ZC3H7B: variants seen among roughly 807,000 people sequenced by gnomAD.
ZC3H7B encodes zinc finger CCCH domain-containing protein 7B.
ZC3H7B carries 35 observed loss-of-function variants against 116.0 expected under a neutral mutation model. The observed-to-expected ratio is 0.30, with a 90% CI of 0.23 to 0.40. The LOEUF is 0.40. Among genes scored for constraint, ZC3H7B ranks in the 10% least tolerant of loss-of-function variants. The pLI is 1.00. For synonymous variants in ZC3H7B, 502 were observed against 545.6 expected (o/e 0.92, Z 1.11); for missense variants, 1,011 against 1,321.5 (o/e 0.77, Z 3.64).
At position 41,356,461 on chromosome 22, in the gene ZC3H7B, C is replaced by T. The variant is rs1465462756; in HGVS notation, c.2502C>T (p.Asp834=). ...EGEKQIQMPT[D]YADIMMGYHC... The stretch of plus-strand genomic sequence containing the variant: ...AGAAGCAGATCCAGATGCCCACGGA[C>T]TACGCGGACATCATGGTAACGCCTC... The change falls in exon 21 of 23, where the codon GAC becomes GAT. Residue 834 remains aspartate, a synonymous_variant. Coordinates refer to ENST00000352645, the MANE Select transcript of ZC3H7B (RefSeq NM_017590.6). 1.1e-5 allele frequency: 18 copies of T among 1,614,124 alleles called. No individual in the cohort carries two copies. The highest frequency in any genetic ancestry group is 1.7e-5 in the Admixed American group (1 of 60,026).
rs753699180 is a variant in ZC3H7B at position 41,327,209 on chromosome 22, C to G, written c.289C>G (p.Leu97Val). 1 of 1,613,700 alleles carries G rather than the reference C, an allele frequency of 6.2e-7. No homozygotes were observed. Among genetic ancestry groups the G allele is most frequent in the African/African-American group, 1.3e-5 (1 of 74,944 alleles). ...ACCACATGCTCCTCTCTGGCAGGGC[C>G]TGTATGAGAAGGCGCTGGAGGACAG... ...NRAACYFTMG[L>V]YEKALEDSEK... Residue 97 changes from leucine to valine, a missense_variant, in exon 5 of 23, where the codon CTG becomes GTG. This residue lies in a region of ZC3H7B where 322 missense variants were observed against 443.9 expected (regional missense o/e 0.73). Coordinates refer to ENST00000352645, the MANE Select transcript of ZC3H7B (RefSeq NM_017590.6). The surrounding 1 kb of genome is among the most constrained non-coding windows in gnomAD (Gnocchi z 4.5).
chr22:41,316,434 T>C (rs922336102), intron 1 of ZC3H7B, among the ~76,000 whole-genome samples: 3 of 151,128 alleles, frequency 2.0e-5, no homozygotes, highest in Non-Finnish European at 4.4e-5. Context: ...AAGCTGGGAT[T>C]ACAGGCGCAT....
At position 41,339,915 on chromosome 22, in the gene ZC3H7B, G is replaced by T. The variant is rs1156933350; in HGVS notation, c.916G>T (p.Val306Leu). 3 of 1,613,766 alleles carry T rather than the reference G, an allele frequency of 1.9e-6. No individual in the cohort carries two copies. Among genetic ancestry groups the T allele is most frequent in the Non-Finnish European group, 2.5e-6 (3 of 1,180,016 alleles). ...CGGGACCCCACTGCTACCACCTGTGGTGGGTGGCTCCATCCCTGTCTCCAG... is the reference window on the plus strand; with the variant it reads ...CGGGACCCCACTGCTACCACCTGTGTTGGGTGGCTCCATCCCTGTCTCCAG... ...PGGTPLLPPV[V>L]GGSIPVSSPL... Residue 306 changes from valine (V) to leucine (L), a missense_variant, in exon 10 of 23, where the codon GTG (valine) becomes TTG (leucine). Val to Leu is a conservative substitution (Grantham distance 32, BLOSUM62 1). Transcript: ENST00000352645.
intron 6 of ZC3H7B, among the ~76,000 whole-genome samples, chr22:41,330,888 T>C (rs2036373103): frequency 7.3e-6 from 1 of 136,620 alleles, no homozygotes; most frequent in Non-Finnish European, 1.6e-5. Context: ...TGAGACGGAC[T>C]CTCGCTCTGT....
chr22:41,343,374 T>C, intron 12 of ZC3H7B, 41 bp from the exon 13 acceptor site: 1 of 1,580,500 alleles, frequency 6.3e-7, no homozygotes, highest in Non-Finnish European at 8.6e-7. Flanking sequence ...ACTCTTCAAT[T>C]CTGCTTCCGG....
At chr22:41,355,623 G>T in intron 18 of ZC3H7B, 21 bp downstream of exon 18, 1 of 1,613,812 alleles carries the variant, frequency 6.2e-7, no homozygotes. Context: ...TGCCAGGTGG[G>T]GGCTCAGGTG....
chr22:41,356,636 T>C lies in ZC3H7B; in HGVS notation c.2518-9T>C. 1 of 1,613,234 alleles carries C rather than the reference T, an allele frequency of 6.2e-7. No homozygotes were observed. The highest frequency in any genetic ancestry group is 8.5e-7 in the Non-Finnish European group (1 of 1,179,922). On this transcript the variant is annotated splice_polypyrimidine_tract_variant and intron_variant, in intron 21 of 22. Transcript: ENST00000352645. ...GGGGAGCAGGCACCCATGATGGCTG[T>C]GCTCCCAGATGGGCTACCACTGCTG... is the stretch of plus-strand genomic sequence containing the variant.
At chr22:41,322,471 C>T (rs1465841070) in intron 2 of ZC3H7B, among the ~76,000 whole-genome samples, 2 of 152,342 alleles carry the variant, frequency 1.3e-5, no homozygotes. Context: ...TAGGTGTGAG[C>T]CACCGCATCC....
At position 41,338,270 on chromosome 22, in the gene ZC3H7B, G is replaced by T. The variant is rs376871365; in HGVS notation, c.583-43G>T. 238 of 1,603,712 alleles carry T rather than the reference G, an allele frequency of 1.5e-4. No homozygotes were observed. In the African/African-American group the frequency reaches 2.8e-3, roughly 19 times the overall value. On this transcript the variant is annotated intron_variant, in intron 7 of 22. Coordinates refer to ENST00000352645, the MANE Select transcript of ZC3H7B (RefSeq NM_017590.6). This position sits in a 1 kb window ranked among gnomAD's most constrained non-coding sequence, Gnocchi z 4.5. ...GGGCTGGTGCTGGGTGCTGGGATCG[G>T]GGCCTTCCCAGCCACAGCGCCACTG...
At chr22:41,348,407 G>C (rs181151814) in intron 15 of ZC3H7B, among the ~76,000 whole-genome samples, 5 of 152,330 alleles carry the variant, frequency 3.3e-5, no homozygotes, top group Admixed American at 6.5e-5. Context: ...ATCCTGTGAG[G>C]GAGGAGTTAC....
chr22:41,320,733 G>T lies in ZC3H7B; in HGVS notation c.53+20G>T. The stretch of plus-strand genomic sequence containing the variant: ...CATTCAGTAAGCCTGCATGCGGCAG[G>T]GGCTGGACGGCTGGGTGGGCAAGGG... On this transcript the variant is annotated intron_variant, in intron 2 of 22. Coordinates refer to ENST00000352645, the MANE Select transcript of ZC3H7B (RefSeq NM_017590.6). 1 of 1,613,806 alleles carries T rather than the reference G, an allele frequency of 6.2e-7. No individual in the cohort carries two copies. Among genetic ancestry groups the T allele is most frequent in the Non-Finnish European group, 8.5e-7 (1 of 1,179,802 alleles).
At chr22:41,303,295 C>T (rs2035997948) in intron 1 of ZC3H7B, among the ~76,000 whole-genome samples, 1 of 152,070 alleles carries the variant, frequency 6.6e-6, no homozygotes, top group South Asian at 2.1e-4. Flanking sequence ...CTTTGTTGTC[C>T]CTGAGCTGGG....
rs934879878 is a variant in ZC3H7B, at chr22:41,357,518, G to A, written c.*89G>A. 1 of 1,015,754 alleles carries A rather than the reference G, an allele frequency of 9.8e-7. No individual in the cohort carries two copies. Among genetic ancestry groups the A allele is most frequent in the Non-Finnish European group, 1.4e-6 (1 of 718,268 alleles). The allele number at this position is 1,015,754 out of a possible 1,614,324, so 62.9% of individuals were successfully genotyped here. ...ATAGAAGGGTCAGGGCAGGCCAGGG[G>A]GGTGGGGGGCCGCCCTCATCAGGCA... On this transcript the variant is annotated 3_prime_UTR_variant, in exon 23 of 23. Coordinates refer to ENST00000352645, the MANE Select transcript of ZC3H7B (RefSeq NM_017590.6). This position sits in a 1 kb window ranked among gnomAD's most constrained non-coding sequence, Gnocchi z 5.4.
Position 41,320,678 on chromosome 22 carries a change from G to A in ZC3H7B, c.18G>A (p.Arg6=), listed in dbSNP as rs2036244075. ...AGAGACTGATGGAGAGGCAGAAACG[G>A]AAGGCGGACATCGAGAAAGGGCTGC... MERQK[R]KADIEKGLQF... is the part of the protein sequence containing the mutation. The change falls in exon 2 of 23, where the codon CGG becomes CGA. Residue 6 remains arginine (R), a synonymous_variant. Transcript: ENST00000352645. 1.9e-6 allele frequency: 3 copies of A among 1,610,474 alleles called. No individual in the cohort carries two copies. The highest frequency in any genetic ancestry group is 1.1e-5 in the South Asian group (1 of 91,052).
At chr22:41,332,249 C>T in intron 7 of ZC3H7B, 22 bp downstream of exon 7, 1 of 1,613,854 alleles carries the variant, frequency 6.2e-7, no homozygotes, top group Non-Finnish European at 8.5e-7. Flanking sequence ...GCTGAACCAA[C>T]CTGTCTCAGT....
rs398061942 is a variant in ZC3H7B at position 41,306,973 on chromosome 22, C to CTT, written c.-7+5218_-7+5219dup. ...AGCCTCCACAGAGGTCAGCTCCTTTCTTTTTTTTTTTTTTTTTTGAGACAG... is the reference window on the plus strand; with the variant it reads ...AGCCTCCACAGAGGTCAGCTCCTTTCTTTTTTTTTTTTTTTTTTTTGAGACAG... On this transcript the variant is annotated intron_variant, in intron 1 of 22. Coordinates refer to ENST00000352645, the MANE Select transcript of ZC3H7B (RefSeq NM_017590.6). Among the ~76,000 whole-genome samples, 203 of 129,040 alleles carry CTT rather than the reference C, an allele frequency of 1.6e-3. 4 individuals carry two copies. The highest frequency in any genetic ancestry group is 5.3e-3 in the East Asian group (24 of 4,502). 84.7% of individuals were successfully genotyped at this position (129,040 alleles called of 152,430 possible).
chr22:41,334,207 C>T (rs1457375742), intron 7 of ZC3H7B: 1 of 152,270 alleles, frequency 6.6e-6, no homozygotes, highest in East Asian at 1.9e-4. Context: ...TTATTGAGCA[C>T]TGCTTTGTAC....
At chr22:41,321,829 CTTTTTTTT>C (rs199611879) in intron 2 of ZC3H7B, among the ~76,000 whole-genome samples, 11 of 90,972 alleles carry the variant, frequency 1.2e-4, no homozygotes, top group African/African-American at 5.7e-4. Flanking sequence ...AACTCACATT[CTTTTTTTT>C]TTTTTTTTTT....
At position 41,351,512 on chromosome 22, in the gene ZC3H7B, C is replaced by T; in HGVS notation, c.1949-49C>T. The T allele has an allele frequency of 6.4e-7, 1 of 1,567,576 alleles. No individual in the cohort carries two copies. Among genetic ancestry groups the T allele is most frequent in the Non-Finnish European group, 8.7e-7 (1 of 1,153,056 alleles). ...ACCTCGTGGACCCCCTGCCTCCCTC[C>T]TTGCTGAGCACCTTGAAAGATGCCT... is the stretch of plus-strand genomic sequence containing the variant. On this transcript the variant is annotated intron_variant, in intron 16 of 22. Coordinates refer to ENST00000352645, the MANE Select transcript of ZC3H7B (RefSeq NM_017590.6). The surrounding 1 kb of genome is among the most constrained non-coding windows in gnomAD (Gnocchi z 5.1).
Sources: allele counts gnomAD v4.1 joint callset (sites outside exome capture counted in the v4.1 genomes callset), GRCh38; gene constraint gnomAD v4.1.1; regional missense constraint gnomAD v4.1.1; non-coding constraint Gnocchi (gnomAD v3.1); transcripts MANE v1.5; gene names NCBI Gene and HGNC (gene_info 2026-07-23, HGNC 2026-07-21).